TAF2: variants seen among roughly 807,000 people sequenced by gnomAD.
TAF2 encodes TATA-box binding protein associated factor 2.
In TAF2, 61 loss-of-function variants were observed where a neutral mutation model predicts 138.5. That is an observed-to-expected ratio of 0.44 (90% CI 0.36 to 0.54). TAF2 has a LOEUF of 0.54. TAF2 is among the 20% of genes least tolerant of loss of function. The probability of loss-of-function intolerance (pLI) is 0.00; values close to 1 mark genes in which losing one functional copy is unlikely to be tolerated. For synonymous variants in TAF2, 475 were observed against 469.9 expected (o/e 1.01, Z -0.14); for missense variants, 1,090 against 1,427.9 (o/e 0.76, Z 3.81).
intron 15 of TAF2, among the ~76,000 whole-genome samples, chr8:119,783,944 G>A (rs1229163633): frequency 6.6e-6 from 1 of 152,066 alleles, no homozygotes; most frequent in Non-Finnish European, 1.5e-5. Flanking sequence ...AATTATTTTG[G>A]TGATTTTGAT....
At chr8:119,783,319 AT>A in intron 16 of TAF2, 61 bp downstream of exon 16, 1 of 1,568,740 alleles carries the variant, frequency 6.4e-7, no homozygotes, top group Non-Finnish European at 8.6e-7. Flanking sequence ...ATTTTAATTC[AT>A]TTTCAGAGAT....
Position 119,831,536 on chromosome 8 carries a change from AC to A in TAF2, c.138+140del. ...GAAGGACCATGGAACTTGTAATCAT[AC>A]AGACCCTAATTTTAATTCTTACCTA... is the stretch of plus-strand genomic sequence containing the variant. On this transcript the variant is annotated intron_variant, in intron 2 of 25. Coordinates refer to ENST00000378164, the MANE Select transcript of TAF2 (RefSeq NM_003184.4). The A allele has an allele frequency of 8.5e-6, 5 of 587,978 alleles. No individual in the cohort carries two copies. In the Admixed American group the frequency reaches 1.3e-4, roughly 16 times the overall value. The allele number at this position is 587,978 out of a possible 1,614,324, so 36.4% of individuals were successfully genotyped here.
intron 20 of TAF2, 182 bp downstream of exon 20, chr8:119,760,417 C>G (rs1820982607): frequency 1.5e-6 from 1 of 670,618 alleles, no homozygotes; most frequent in African/African-American, 1.8e-5. Context: ...TATTCCTTTC[C>G]CTCATTTATT....
At chr8:119,800,319 T>C (rs929629810) in intron 6 of TAF2, among the ~76,000 whole-genome samples, 26 of 152,214 alleles carry the variant, frequency 1.7e-4, no homozygotes, top group African/African-American at 6.0e-4. Flanking sequence ...TTAACTTTTG[T>C]ATAAGGTGTA....
intron 10 of TAF2, 130 bp from the exon 11 acceptor site, chr8:119,791,589 A>C: frequency 1.0e-6 from 1 of 1,001,290 alleles, no homozygotes; most frequent in South Asian, 1.6e-5. Flanking sequence ...CTTAGTACTA[A>C]TAAACATCTA....
At chr8:119,825,841 C>T (rs994723746) in intron 2 of TAF2, among the ~76,000 whole-genome samples, 24 of 139,206 alleles carry the variant, frequency 1.7e-4, no homozygotes, top group African/African-American at 4.2e-4. Flanking sequence ...CCCACCGCCA[C>T]GCCTGGCTAA....
chr8:119,775,771 G>A (rs538240177), intron 18 of TAF2, among the ~76,000 whole-genome samples: 1 of 152,114 alleles, frequency 6.6e-6, no homozygotes, highest in African/African-American at 2.4e-5. Context: ...ACGTGGTCCT[G>A]AAATTAACAA....
At chr8:119,783,304 G>T in intron 16 of TAF2, 77 bp downstream of exon 16, 1 of 1,538,182 alleles carries the variant, frequency 6.5e-7, no homozygotes, top group South Asian at 1.2e-5. Flanking sequence ...TTAAAGACTA[G>T]GTGAATTTTA....
chr8:119,794,700 T>C (rs1360776597), intron 9 of TAF2, among the ~76,000 whole-genome samples: 2 of 152,228 alleles, frequency 1.3e-5, no homozygotes, highest in African/African-American at 4.8e-5. Context: ...TGAAATATTT[T>C]AAGTGTTGTG....
chr8:119,785,563 T>A (rs376102362), intron 14 of TAF2, among the ~76,000 whole-genome samples: 1 of 152,122 alleles, frequency 6.6e-6, no homozygotes, highest in South Asian at 2.1e-4. Context: ...CAATTTTGTA[T>A]AGAAAAGGGG....
Position 119,758,087 on chromosome 8 carries a change from A to G in TAF2, c.2754T>C (p.Pro918=). 6.2e-7 allele frequency: 1 copy of G among 1,613,404 alleles called. No individual in the cohort carries two copies. Among genetic ancestry groups the G allele is most frequent in the African/African-American group, 1.3e-5 (1 of 75,052 alleles). The change falls in exon 21 of 26, where the codon CCT becomes CCC. Residue 918 remains proline, a synonymous_variant. Coordinates refer to ENST00000378164, the MANE Select transcript of TAF2 (RefSeq NM_003184.4). ...CATAAACTAACCTTACATAGGGTAC[A>G]GGGTCATTCTGAATCATATTAAGTA... is the stretch of plus-strand genomic sequence containing the variant. ...QWLLNMIQND[P]VPYVRHKILN... is the part of the protein sequence containing the mutation.
At chr8:119,807,090 T>A (rs1824713233) in intron 3 of TAF2, among the ~76,000 whole-genome samples, 1 of 152,174 alleles carries the variant, frequency 6.6e-6, no homozygotes, top group African/African-American at 2.4e-5. Context: ...TCAACAAGCT[T>A]TATAATTTGA....
chr8:119,804,237 A>G (rs1824461640), intron 4 of TAF2, among the ~76,000 whole-genome samples: 1 of 152,084 alleles, frequency 6.6e-6, no homozygotes, highest in Non-Finnish European at 1.5e-5. Flanking sequence ...AATTATAACT[A>G]TTGCTTGTAT....
chr8:119,748,998 A>G (rs939473383), intron 22 of TAF2, among the ~76,000 whole-genome samples: 1 of 152,200 alleles, frequency 6.6e-6, no homozygotes, highest in African/African-American at 2.4e-5. Context: ...CTGAAGATCA[A>G]TGTCGCCATG....
At chr8:119,765,431 A>G (rs1452089765) in intron 18 of TAF2, among the ~76,000 whole-genome samples, 1 of 152,216 alleles carries the variant, frequency 6.6e-6, no homozygotes, top group Non-Finnish European at 1.5e-5. Flanking sequence ...CAATAGGTAG[A>G]GGAAGGAGAA....
At chr8:119,777,412 A>C (rs1256105734) in intron 18 of TAF2, among the ~76,000 whole-genome samples, 1 of 152,160 alleles carries the variant, frequency 6.6e-6, no homozygotes, top group Non-Finnish European at 1.5e-5. Flanking sequence ...TTTTTAATGA[A>C]TAAATAAAGT....
chr8:119,801,919 T>C lies in TAF2; in HGVS notation c.667A>G (p.Thr223Ala), dbSNP rs776669402. Reference protein sequence around the residue: ...VAVSNGDLVETVYTHDMRKKT... With the variant: ...VAVSNGDLVEAVYTHDMRKKT... ...TTCCTCATATCATGAGTATACACTG[T>C]CTCCACCAAATCGCCATTAGAAACA... The change falls in exon 6 of 26, where the codon ACA (threonine) becomes GCA (alanine). Residue 223 changes from threonine to alanine, a missense_variant. Thr to Ala is a moderately conservative substitution (Grantham distance 58, BLOSUM62 0). Transcript: ENST00000378164. 2 of 1,614,038 alleles carry C rather than the reference T, an allele frequency of 1.2e-6. No individual in the cohort carries two copies. The highest frequency in any genetic ancestry group is 2.7e-5 in the African/African-American group (2 of 74,910).
At chr8:119,780,582 A>C (rs796162776) in intron 17 of TAF2, among the ~76,000 whole-genome samples, 4 of 152,338 alleles carry the variant, frequency 2.6e-5, no homozygotes, top group African/African-American at 9.6e-5. Flanking sequence ...CCAATGAGTT[A>C]CTTGCACACA....
At chr8:119,740,904 G>C (rs1819564833) in intron 25 of TAF2, among the ~76,000 whole-genome samples, 1 of 152,040 alleles carries the variant, frequency 6.6e-6, no homozygotes, top group Non-Finnish European at 1.5e-5. Flanking sequence ...TCACATTAAA[G>C]AATATATTCA....
Sources: gnomAD v4.1 joint callset for allele counts (sites outside exome capture counted in the v4.1 genomes callset) on GRCh38, gnomAD v4.1.1 for gene constraint, MANE v1.5 for transcripts, NCBI Gene and HGNC (gene_info 2026-07-23, HGNC 2026-07-21) for gene names.